MECOM: variants seen among roughly 807,000 people sequenced by gnomAD.
MECOM encodes histone-lysine N-methyltransferase MECOM.
A neutral mutation model predicts 116.3 loss-of-function variants in MECOM; 13 were observed. That is an observed-to-expected ratio of 0.11 (90% confidence interval 0.07 to 0.18). The LOEUF is 0.18. MECOM is among the 10% of genes least tolerant of loss of function. The pLI is 1.00. For missense variants in MECOM, 1,299 were observed against 1,509.0 expected (o/e 0.86, Z 2.31); for synonymous variants, 528 against 535.2 (o/e 0.99, Z 0.19).
At chr3:169,175,367 T>C (rs567557313) in intron 2 of MECOM, among the ~76,000 whole-genome samples, 1 of 152,248 alleles carries the variant, frequency 6.6e-6, no homozygotes, top group Non-Finnish European at 1.5e-5. Context: ...AGTGATACCT[T>C]TGCTTTCTGA....
chr3:169,330,692 T>C (rs1175268685), intron 2 of MECOM, among the ~76,000 whole-genome samples: 3 of 152,072 alleles, frequency 2.0e-5, no homozygotes, highest in Non-Finnish European at 4.4e-5. Flanking sequence ...GAGCAATCCA[T>C]ATTTTTCCTC....
chr3:169,515,511 A>G (rs1756514972), intron 1 of MECOM, among the ~76,000 whole-genome samples: 1 of 152,178 alleles, frequency 6.6e-6, no homozygotes, highest in Non-Finnish European at 1.5e-5. Flanking sequence ...GGTTTGTCTG[A>G]CTTTAAAACA....
intron 2 of MECOM, among the ~76,000 whole-genome samples, chr3:169,149,935 C>CTCTCTCTG (rs1226990755): frequency 7.6e-6 from 1 of 131,240 alleles, no homozygotes; most frequent in Non-Finnish European, 1.6e-5. Context: ...TTCTCTCTCT[C>CTCTCTCTG]TGTGTGTGTG....
intron 1 of MECOM, among the ~76,000 whole-genome samples, chr3:169,406,849 GT>G (rs1323915641): frequency 2.2e-3 from 285 of 128,122 alleles, no homozygotes; most frequent in African/African-American, 5.1e-3. Context: ...GTTTTTTTTT[GT>G]TTTTTTTTTT....
chr3:169,474,653 T>C (rs1750070794), intron 1 of MECOM, among the ~76,000 whole-genome samples: 1 of 152,166 alleles, frequency 6.6e-6, no homozygotes, highest in African/African-American at 2.4e-5. Context: ...CCATGTTTTG[T>C]GTAATAACTG....
intron 16 of MECOM, 89 bp from the exon 17 acceptor site, chr3:169,085,132 T>C: frequency 6.5e-7 from 1 of 1,531,844 alleles, no homozygotes; most frequent in Non-Finnish European, 8.9e-7. Flanking sequence ...TGGAAAGGGA[T>C]GGGACCCTGA....
intron 2 of MECOM, among the ~76,000 whole-genome samples, chr3:169,343,825 G>A (rs1448077369): frequency 6.6e-6 from 1 of 152,078 alleles, no homozygotes; most frequent in Non-Finnish European, 1.5e-5. Flanking sequence ...AATGCTTATG[G>A]TTGGAACATA....
chr3:169,189,458 G>A (rs1437801988), intron 2 of MECOM, among the ~76,000 whole-genome samples: 1 of 152,036 alleles, frequency 6.6e-6, no homozygotes, highest in Non-Finnish European at 1.5e-5. Context: ...GGGTCATGTG[G>A]TGATGTATCA....
At chr3:169,463,114 T>A (rs1363208206) in intron 1 of MECOM, among the ~76,000 whole-genome samples, 4 of 152,144 alleles carry the variant, frequency 2.6e-5, no homozygotes, top group African/African-American at 9.7e-5. Flanking sequence ...TATATGTCTG[T>A]GAGCATACAA....
intron 1 of MECOM, among the ~76,000 whole-genome samples, chr3:169,448,712 C>T (rs1205559665): frequency 6.6e-6 from 1 of 152,170 alleles, no homozygotes; most frequent in East Asian, 1.9e-4. Context: ...ATTGTCATAA[C>T]ACATTGCATA....
Position 169,167,920 on chromosome 3 carries a change from C to T in MECOM, c.376-24088G>A, listed in dbSNP as rs145662929. On this transcript the variant is annotated intron_variant, in intron 2 of 16. Transcript: ENST00000651503. ...TATTTCAATTAACAGTGTTAGTATCCACCCAGTGACTGACTCTGATTCGGT... is the reference window on the plus strand; with the variant it reads ...TATTTCAATTAACAGTGTTAGTATCTACCCAGTGACTGACTCTGATTCGGT... Among the ~76,000 whole-genome samples, 1,031 of 149,312 alleles carry T rather than the reference C, an allele frequency of 6.9e-3. 12 individuals carry two copies. Among genetic ancestry groups the T allele is most frequent in the African/African-American group, 0.022 (920 of 41,190 alleles).
Position 169,127,869 on chromosome 3 carries a change from C to A in MECOM, c.805G>T (p.Asp269Tyr). 6.2e-7 allele frequency: 1 copy of A among 1,613,958 alleles called. No individual in the cohort carries two copies. The highest frequency in any genetic ancestry group is 1.1e-5 in the South Asian group (1 of 91,056). ...CTTTGCAAATCAGGAAAAACTTGGT[C>A]ACATTCCTTACACTCCTGGATCGTG... is the stretch of plus-strand genomic sequence containing the variant. Reference protein sequence around the residue: ...IHTIQECKECDQVFPDLQSLE... With the variant: ...IHTIQECKECYQVFPDLQSLE... Residue 269 changes from aspartate (D) to tyrosine (Y), a missense_variant, in exon 5 of 17, where the codon GAC becomes TAC. Asp to Tyr is a radical substitution (Grantham distance 160). This residue lies in a region of MECOM where 374 missense variants were observed against 433.4 expected (regional missense o/e 0.86). Transcript: ENST00000651503.
At chr3:169,475,271 T>G (rs1176504431) in intron 1 of MECOM, among the ~76,000 whole-genome samples, 4 of 152,236 alleles carry the variant, frequency 2.6e-5, no homozygotes, top group African/African-American at 7.2e-5. Flanking sequence ...TAAGTATCTT[T>G]CATGATTATC....
chr3:169,519,094 C>T (rs2109072769), intron 1 of MECOM, among the ~76,000 whole-genome samples: 1 of 152,306 alleles, frequency 6.6e-6, no homozygotes, highest in Non-Finnish European at 1.5e-5. Context: ...TTTTCTGTTT[C>T]CTTTCTACAA....
At position 169,129,492 on chromosome 3, in the gene MECOM, G is replaced by A. The variant is rs546961668; in HGVS notation, c.614-1432C>T. 7.9e-5 allele frequency among the ~76,000 whole-genome samples: 12 copies of A among 151,872 alleles called. No individual in the cohort carries two copies. In the East Asian group the frequency reaches 2.0e-3, roughly 25 times the overall value. On this transcript the variant is annotated intron_variant, in intron 4 of 16. Coordinates refer to ENST00000651503, the MANE Select transcript of MECOM (RefSeq NM_004991.4). ...GCTGCAGAAATCCACATAAGATGCT[G>A]GTTTAGTTTATACTAAACCAGTAAC...
chr3:169,142,610 T>C (rs972979086), intron 3 of MECOM, among the ~76,000 whole-genome samples: 2 of 151,988 alleles, frequency 1.3e-5, no homozygotes, highest in African/African-American at 4.8e-5. Context: ...TTTTGATATA[T>C]GTTGAAGATT....
At chr3:169,547,190 G>A (rs747734416) in intron 1 of MECOM, among the ~76,000 whole-genome samples, 8 of 152,070 alleles carry the variant, frequency 5.3e-5, no homozygotes, top group Non-Finnish European at 7.4e-5. Flanking sequence ...CATGAGATCC[G>A]GTTGTTGGAA....
intron 2 of MECOM, among the ~76,000 whole-genome samples, chr3:169,178,244 T>C (rs1216175777): frequency 1.3e-5 from 2 of 152,174 alleles, no homozygotes; most frequent in Admixed American, 1.3e-4. Context: ...TGTACAAAGA[T>C]GGCAGAAGAA....
chr3:169,542,451 G>T (rs1760204967), intron 1 of MECOM, among the ~76,000 whole-genome samples: 1 of 152,186 alleles, frequency 6.6e-6, no homozygotes, highest in African/African-American at 2.4e-5. Context: ...TACAACAGGG[G>T]ACTCTAGGAG....
Sources: allele counts gnomAD v4.1 joint callset (sites outside exome capture counted in the v4.1 genomes callset), GRCh38; gene constraint gnomAD v4.1.1; regional missense constraint gnomAD v4.1.1; transcripts MANE v1.5; gene names NCBI Gene and HGNC (gene_info 2026-07-23, HGNC 2026-07-21).